Variants in KDM7A observed in about 807,000 individuals in gnomAD.
KDM7A encodes the protein lysine-specific demethylase 7A.
In KDM7A, 28 loss-of-function variants were observed where a neutral mutation model predicts 114.8. That is an observed-to-expected ratio of 0.24 (90% CI 0.18 to 0.33). KDM7A has a LOEUF of 0.33. Ranked by LOEUF, KDM7A falls within the 10% of genes least tolerant of loss-of-function variation. KDM7A has a pLI of 1.00. For missense variants in KDM7A, 942 were observed against 1,142.5 expected (o/e 0.82, Z 2.53); for synonymous variants, 423 against 397.8 (o/e 1.06, Z -0.75).
At chr7:140,108,418 T>C (rs1818377633) in intron 11 of KDM7A, among the ~76,000 whole-genome samples, 2 of 152,226 alleles carry the variant, frequency 1.3e-5, no homozygotes, top group African/African-American at 4.8e-5. Flanking sequence ...TGTGGTTTTA[T>C]CTACCTTTGG....
At chr7:140,116,990 G>A (rs552834477) in intron 9 of KDM7A, among the ~76,000 whole-genome samples, 5 of 152,304 alleles carry the variant, frequency 3.3e-5, no homozygotes, top group South Asian at 4.1e-4. Flanking sequence ...AGGCCACAAT[G>A]TAAAGTAAAA....
chr7:140,100,719 T>TAC (rs1818204260), intron 12 of KDM7A, among the ~76,000 whole-genome samples: 1 of 59,720 alleles, frequency 1.7e-5, no homozygotes, highest in African/African-American at 6.2e-5. Flanking sequence ...CACATATATA[T>TAC]ATATATATAT....
intron 1 of KDM7A, among the ~76,000 whole-genome samples, chr7:140,174,385 A>C (rs1794678712): frequency 6.6e-6 from 1 of 152,110 alleles, no homozygotes; most frequent in African/African-American, 2.4e-5. Flanking sequence ...CAGAGAGGGC[A>C]TATTTGTTTT....
At chr7:140,126,021 G>C (rs1278476270) in intron 6 of KDM7A, among the ~76,000 whole-genome samples, 4 of 147,002 alleles carry the variant, frequency 2.7e-5, no homozygotes, top group Admixed American at 6.7e-5. Flanking sequence ...CCTCCTGCCT[G>C]AGCCTCTTGA....
chr7:140,158,495 G>C (rs954163396), intron 1 of KDM7A, among the ~76,000 whole-genome samples: 1 of 152,190 alleles, frequency 6.6e-6, no homozygotes, highest in Non-Finnish European at 1.5e-5. Flanking sequence ...GAGGACTACA[G>C]GAGGAGCAGT....
In KDM7A at chr7:140,113,514, A is replaced by G. The variant is rs770711295; in HGVS notation, c.1315T>C (p.Leu439=). 1.3e-6 allele frequency: 2 copies of G among 1,595,138 alleles called. No homozygotes were observed. The highest frequency in any genetic ancestry group is 2.3e-5 in the East Asian group (1 of 44,404). ...ACTTCTTTTTTCATCCATAATTTTAAAGCAGTATGCAGTGCTTTCACTCCC... is the reference window on the plus strand; with the variant it reads ...ACTTCTTTTTTCATCCATAATTTTAGAGCAGTATGCAGTGCTTTCACTCCC... ...VQGVKALHTA[L]KLWMKKELVS... The change falls in exon 10 of 20, where the codon TTA becomes CTA. Residue 439 remains leucine, a synonymous_variant. Transcript: ENST00000397560.
At chr7:140,153,779 CAGTT>C (rs1794427747) in intron 1 of KDM7A, among the ~76,000 whole-genome samples, 1 of 152,202 alleles carries the variant, frequency 6.6e-6, no homozygotes, top group Non-Finnish European at 1.5e-5. Flanking sequence ...TTCCCACTGT[CAGTT>C]ACTTATTTTA....
At chr7:140,110,862 T>G (rs1224924034) in intron 11 of KDM7A, among the ~76,000 whole-genome samples, 1 of 152,238 alleles carries the variant, frequency 6.6e-6, no homozygotes, top group East Asian at 1.9e-4. Context: ...TTAAGTATCC[T>G]AAACTAGTAA....
Position 140,176,516 on chromosome 7 carries a change from A to C in KDM7A, c.194+228T>G, listed in dbSNP as rs1794710466. Among the ~76,000 whole-genome samples the C allele has an allele frequency of 6.9e-6, 1 of 144,528 alleles. No individual in the cohort carries two copies. The highest frequency in any genetic ancestry group is 1.5e-5 in the Non-Finnish European group (1 of 65,350). The allele number at this position is 144,528 out of a possible 152,430, so 94.8% of individuals were successfully genotyped here. A position where few individuals can be genotyped will look rare whatever the true frequency, so the allele number is the denominator to read the frequency against. ...CTCTTTGTTCGTGTTTGTTGTGGCG[A>C]CTCTTCGCCCGGGCCAGGCGAGCCC... On this transcript the variant is annotated intron_variant, in intron 1 of 19. Coordinates refer to ENST00000397560, the MANE Select transcript of KDM7A (RefSeq NM_030647.2). The surrounding 1 kb of genome is among the most constrained non-coding windows in gnomAD (Gnocchi z 4.4).
At chr7:140,108,679 T>C (rs983549385) in intron 11 of KDM7A, among the ~76,000 whole-genome samples, 1 of 152,200 alleles carries the variant, frequency 6.6e-6, no homozygotes, top group East Asian at 1.9e-4. Context: ...CAGTCGGCCC[T>C]TACTGGGAGG....
In KDM7A at chr7:140,091,152, T is replaced by C. The variant is rs774587402; in HGVS notation, c.2768A>G (p.Gln923Arg). ...CAACTTAAGGATCTTCCCAAGACGT[T>C]GTTTGGCTGTTGCCATTCCTTTTTT... is the stretch of plus-strand genomic sequence containing the variant. ...RPKKGMATAK[Q>R]RLGKILKLNR... The change falls in exon 20 of 20, where the codon CAA (glutamine) becomes CGA (arginine). Residue 923 changes from glutamine to arginine, a missense_variant. Physicochemically the swap from Gln to Arg is conservative, Grantham distance 43 (BLOSUM62 1). Transcript: ENST00000397560. The C allele has an allele frequency of 6.2e-7, 1 of 1,614,128 alleles. No individual in the cohort carries two copies. The highest frequency in any genetic ancestry group is 1.7e-5 in the Admixed American group (1 of 60,026).
chr7:140,109,320 G>A (rs997585566), intron 11 of KDM7A, among the ~76,000 whole-genome samples: 1 of 152,232 alleles, frequency 6.6e-6, no homozygotes, highest in East Asian at 1.9e-4. Context: ...AGTTGGAAAT[G>A]CAGAAATGAC....
At chr7:140,106,026 A>G (rs186532781) in intron 11 of KDM7A, among the ~76,000 whole-genome samples, 1 of 152,230 alleles carries the variant, frequency 6.6e-6, no homozygotes, top group African/African-American at 2.4e-5. Context: ...GGAAGGGTGT[A>G]TGTGTTGAGG....
chr7:140,105,692 G>T (rs1230296948), intron 11 of KDM7A, among the ~76,000 whole-genome samples: 1 of 152,202 alleles, frequency 6.6e-6, no homozygotes, highest in African/African-American at 2.4e-5. Flanking sequence ...TGGTTTGCCA[G>T]TATTTTACTG....
At chr7:140,152,776 A>C (rs918765607) in intron 1 of KDM7A, among the ~76,000 whole-genome samples, 1 of 152,166 alleles carries the variant, frequency 6.6e-6, no homozygotes, top group Non-Finnish European at 1.5e-5. Flanking sequence ...TAAAGTACAT[A>C]AAGTGTAAGA....
chr7:140,139,156 T>G lies in KDM7A; in HGVS notation c.229A>C (p.Ile77Leu). The G allele has an allele frequency of 6.2e-7, 1 of 1,613,618 alleles. No individual in the cohort carries two copies. Among genetic ancestry groups the G allele is most frequent in the Non-Finnish European group, 8.5e-7 (1 of 1,179,710 alleles). The change falls in exon 2 of 20, where the codon ATT becomes CTT. Residue 77 changes from isoleucine (I) to leucine (L), a missense_variant. This residue lies in a region of KDM7A where 318 missense variants were observed against 453.1 expected (regional missense o/e 0.70). Transcript: ENST00000397560. ...VGVEEHHAVD[I>L]DLYHCPNCAV... ...CAGTTGGGACAGTGATACAGGTCAATGTCAACAGCATGATGTTCTTCTACT... is the reference window on the plus strand; with the variant it reads ...CAGTTGGGACAGTGATACAGGTCAAGGTCAACAGCATGATGTTCTTCTACT...
At position 140,089,054 on chromosome 7, in the gene KDM7A, C is replaced by G. The variant is rs965458322; in HGVS notation, c.*2040G>C. 6.6e-6 allele frequency: 1 copy of G among 152,106 alleles called. No homozygotes were observed. Among genetic ancestry groups the G allele is most frequent in the Non-Finnish European group, 1.5e-5 (1 of 68,016 alleles). The allele number at this position is 152,106 out of a possible 1,614,324, so 9.4% of individuals were successfully genotyped here. On this transcript the variant is annotated 3_prime_UTR_variant, in exon 20 of 20. Coordinates refer to ENST00000397560, the MANE Select transcript of KDM7A (RefSeq NM_030647.2). The stretch of plus-strand genomic sequence containing the variant: ...CAAAATAAAAACATGACTATTGTAA[C>G]ACCGACTCAGGATCTACAGAAAAGC...
At chr7:140,116,652 G>A (rs1208244875) in intron 9 of KDM7A, among the ~76,000 whole-genome samples, 1 of 152,150 alleles carries the variant, frequency 6.6e-6, no homozygotes, top group Non-Finnish European at 1.5e-5. Context: ...GTGTGTGTGT[G>A]TATGCAGTGC....
rs1817971760 is a variant in KDM7A, at chr7:140,088,605, T to TAAAC, written c.*2488_*2489insGTTT. 2 of 397,498 alleles carry TAAAC rather than the reference T, an allele frequency of 5.0e-6. No homozygotes were observed. The highest frequency in any genetic ancestry group is 4.1e-5 in the African/African-American group (2 of 48,586). 24.6% of individuals were successfully genotyped at this position (397,498 alleles called of 1,614,324 possible). On this transcript the variant is annotated 3_prime_UTR_variant, in exon 20 of 20. Coordinates refer to ENST00000397560, the MANE Select transcript of KDM7A (RefSeq NM_030647.2). ...TTATGGCCAGTAATGTTATAAGACG[T>TAAAC]TTGACCAGGAGTCACTGGATCAGTG... is the stretch of plus-strand genomic sequence containing the variant.
Sources: gnomAD v4.1 joint callset for allele counts (sites outside exome capture counted in the v4.1 genomes callset) on GRCh38, gnomAD v4.1.1 for gene constraint, gnomAD v4.1.1 regional missense constraint, Gnocchi (gnomAD v3.1) non-coding constraint, MANE v1.5 for transcripts, NCBI Gene and HGNC (gene_info 2026-07-23, HGNC 2026-07-21) for gene names.